AMPH: variants seen among roughly 807,000 people sequenced by gnomAD.
AMPH encodes the protein amphiphysin (Stiff-Mann syndrome with breast cancer 128kD autoantigen).
AMPH carries 49 observed loss-of-function variants against 99.1 expected under a neutral mutation model. That is an observed-to-expected ratio of 0.49 (90% CI 0.39 to 0.63). The LOEUF is 0.63. Ranked by LOEUF, AMPH falls within the 20% of genes least tolerant of loss-of-function variation. The pLI, the probability that AMPH is intolerant of heterozygous loss-of-function variation, is 0.00. For missense variants in AMPH, 759 were observed against 863.4 expected (o/e 0.88, Z 1.52); for synonymous variants, 314 against 317.3 (o/e 0.99, Z 0.11).
Position 38,394,142 on chromosome 7 carries a change from C to T in AMPH, c.1471G>A (p.Glu491Lys), listed in dbSNP as rs1049179766. The change falls in exon 18 of 21, where the codon GAA (glutamate) becomes AAA (lysine). Residue 491 changes from glutamate to lysine, a missense_variant. Glu to Lys is a moderately conservative substitution (Grantham distance 56). Around this residue, in one of 2 missense-constraint regions of AMPH, gnomAD observed 554 missense variants for 575.6 expected, o/e 0.96. Transcript: ENST00000356264. ...ACAGTGGCCTTCTCCGCCTCTGCTT[C>T]CTCTCCTGGGGCCCCCTCAGCTGCT... is the stretch of plus-strand genomic sequence containing the variant. Reference protein sequence around the residue: ...VSAAEGAPGEEAEAEKATVPA... With the variant: ...VSAAEGAPGEKAEAEKATVPA... 2.5e-6 allele frequency: 4 copies of T among 1,614,088 alleles called. No individual in the cohort carries two copies. In the African/African-American group the frequency reaches 5.3e-5, roughly 22 times the overall value.
intron 1 of AMPH, among the ~76,000 whole-genome samples, chr7:38,576,261 A>C (rs900689928): frequency 2.6e-4 from 39 of 152,200 alleles, no homozygotes; most frequent in African/African-American, 8.4e-4. Flanking sequence ...GAACAAACAA[A>C]ACAAAACAAC....
chr7:38,539,921 G>A (rs1245079503), intron 1 of AMPH, among the ~76,000 whole-genome samples: 1 of 152,184 alleles, frequency 6.6e-6, no homozygotes, highest in Non-Finnish European at 1.5e-5. Context: ...GTGAAACCTA[G>A]AACTGAGATG....
intron 1 of AMPH, among the ~76,000 whole-genome samples, chr7:38,575,650 A>G (rs756792507): frequency 6.6e-6 from 1 of 152,138 alleles, no homozygotes; most frequent in Non-Finnish European, 1.5e-5. Flanking sequence ...TTCCACCATT[A>G]TTATAAGTGT....
chr7:38,423,898 T>C (rs1179623236), intron 15 of AMPH, among the ~76,000 whole-genome samples: 2 of 152,140 alleles, frequency 1.3e-5, no homozygotes, highest in African/African-American at 4.8e-5. Context: ...ATTAATTATA[T>C]AGAGGCTGAA....
chr7:38,512,481 G>A (rs1789576853), intron 2 of AMPH, among the ~76,000 whole-genome samples: 1 of 152,208 alleles, frequency 6.6e-6, no homozygotes, highest in South Asian at 2.1e-4. Flanking sequence ...TTCACAAGGG[G>A]AAGTGGAAAA....
intron 1 of AMPH, among the ~76,000 whole-genome samples, chr7:38,556,289 A>G (rs994535966): frequency 6.6e-6 from 1 of 152,224 alleles, no homozygotes; most frequent in Non-Finnish European, 1.5e-5. Flanking sequence ...TACTAGCCGA[A>G]GCACTGATGT....
In AMPH at chr7:38,391,964, T is replaced by C. The variant is rs767583066; in HGVS notation, c.1662A>G (p.Glu554=). The change falls in exon 19 of 21, where the codon GAA becomes GAG. Residue 554 remains glutamate (E), a synonymous_variant. Coordinates refer to ENST00000356264, the MANE Select transcript of AMPH (RefSeq NM_001635.4). ...CACCTATAGTTATTTCGTTTTCTCC[T>C]TCCTCTTCATGGTTGGAGGCAGGCT... ...VIEPASNHEE[E]GENEITIGAE... The C allele has an allele frequency of 6.2e-7, 1 of 1,610,838 alleles. No individual in the cohort carries two copies. Among genetic ancestry groups the C allele is most frequent in the African/African-American group, 1.3e-5 (1 of 74,910 alleles).
At chr7:38,579,996 G>A (rs1418858587) in intron 1 of AMPH, among the ~76,000 whole-genome samples, 5 of 152,136 alleles carry the variant, frequency 3.3e-5, no homozygotes, top group Non-Finnish European at 7.4e-5. Context: ...ACACATTGAT[G>A]AATCTCCAAA....
chr7:38,536,960 G>A (rs965788493), intron 1 of AMPH, among the ~76,000 whole-genome samples: 5 of 152,048 alleles, frequency 3.3e-5, no homozygotes, highest in Non-Finnish European at 7.4e-5. Flanking sequence ...CTATTTCTGG[G>A]TGATAAGATT....
At chr7:38,466,893 T>C (rs908626722) in intron 7 of AMPH, among the ~76,000 whole-genome samples, 2 of 152,194 alleles carry the variant, frequency 1.3e-5, no homozygotes, top group Non-Finnish European at 2.9e-5. Context: ...ATTAACTTCT[T>C]CTATGGCTTA....
chr7:38,573,573 A>G (rs1269691743), intron 1 of AMPH, among the ~76,000 whole-genome samples: 1 of 152,242 alleles, frequency 6.6e-6, no homozygotes, highest in Non-Finnish European at 1.5e-5. Flanking sequence ...TCAATATTCT[A>G]AAATTTATAC....
In AMPH at chr7:38,417,177, A is replaced by T. The variant is rs546050499; in HGVS notation, c.1398+648T>A. Reference sequence around the variant, plus strand: ...CAATGTCCAATTCTACTTGGTACATATCAGAGCTCAGCCCAGTTTGCAATG... The same window carrying T: ...CAATGTCCAATTCTACTTGGTACATTTCAGAGCTCAGCCCAGTTTGCAATG... On this transcript the variant is annotated intron_variant, in intron 17 of 20. Transcript: ENST00000356264. Among the ~76,000 whole-genome samples the T allele has an allele frequency of 3.8e-4, 58 of 152,320 alleles. 1 individual carries two copies. The highest frequency in any genetic ancestry group is 6.8e-3 in the Middle Eastern group (2 of 294).
At chr7:38,488,448 C>T (rs1428195064) in intron 5 of AMPH, among the ~76,000 whole-genome samples, 1 of 150,304 alleles carries the variant, frequency 6.7e-6, no homozygotes, top group East Asian at 2.0e-4. Flanking sequence ...ACCTCATGTT[C>T]TCACTCATAA....
intron 18 of AMPH, among the ~76,000 whole-genome samples, chr7:38,393,647 T>TAC (rs1784580956): frequency 6.8e-6 from 1 of 146,800 alleles, no homozygotes; most frequent in African/African-American, 2.4e-5. Context: ...TACTATTGAG[T>TAC]TCTCCCTGGG....
chr7:38,475,434 C>T lies in AMPH; in HGVS notation c.505-18G>A, dbSNP rs1222992001. On this transcript the variant is annotated intron_variant, in intron 6 of 20. Transcript: ENST00000356264. The stretch of plus-strand genomic sequence containing the variant: ...TCTTCTGCCTAGGAATGAAACATAA[C>T]ATGTGTTTACACTAAGAAAGACCAT... 1 of 1,558,400 alleles carries T rather than the reference C, an allele frequency of 6.4e-7. No individual in the cohort carries two copies. The highest frequency in any genetic ancestry group is 8.8e-7 in the Non-Finnish European group (1 of 1,131,334).
At chr7:38,393,674 T>TC (rs80181833) in intron 18 of AMPH, among the ~76,000 whole-genome samples, 8,814 of 152,210 alleles carry the variant, frequency 0.058, 355 homozygotes, top group East Asian at 0.19. Flanking sequence ...GCTCACTTCA[T>TC]CACATTCTCT....
rs1361341170 is a variant in AMPH, at chr7:38,576,017, AATTCTAAGT to A, written c.70-41015_70-41007del. 3.3e-5 allele frequency among the ~76,000 whole-genome samples: 5 copies of A among 152,174 alleles called. No homozygotes were observed. The East Asian group carries it at 9.6e-4, about 29-fold the overall frequency. On this transcript the variant is annotated intron_variant, in intron 1 of 20. Transcript: ENST00000356264. ...GTTACTCTCTTAAAAGGAGCCTTCG[AATTCTAAGT>A]TGGCAAACATTTTATAAGCCTCTGG...
intron 1 of AMPH, among the ~76,000 whole-genome samples, chr7:38,546,138 C>T (rs1790988759): frequency 2.0e-5 from 3 of 152,126 alleles, no homozygotes; most frequent in South Asian, 2.1e-4. Context: ...AGAACCTGGA[C>T]AGAGGGTAAC....
intron 1 of AMPH, among the ~76,000 whole-genome samples, chr7:38,579,589 G>A (rs924193658): frequency 2.0e-5 from 3 of 152,338 alleles, no homozygotes; most frequent in South Asian, 2.1e-4. Context: ...GGCATGAAGT[G>A]AAATCTTAAG....
Sources: gnomAD v4.1 joint callset for allele counts (sites outside exome capture counted in the v4.1 genomes callset) on GRCh38, gnomAD v4.1.1 for gene constraint, gnomAD v4.1.1 regional missense constraint, MANE v1.5 for transcripts, NCBI Gene and HGNC (gene_info 2026-07-23, HGNC 2026-07-21) for gene names.